Variants in APPL2 observed in about 807,000 individuals in gnomAD.
APPL2 encodes DCC-interacting protein 13-beta.
Under a neutral mutation model 92.7 loss-of-function variants are expected in APPL2, and 84 were observed. That is an observed-to-expected ratio of 0.91 (90% confidence interval 0.76 to 1.09). APPL2 has a LOEUF of 1.09. Among genes scored for constraint, APPL2 ranks in the 50% least tolerant of loss-of-function variants. APPL2 has a pLI of 0.00. For synonymous variants in APPL2, 291 were observed against 291.0 expected, an observed-to-expected ratio of 1.00 and a Z score of 0.00; for missense variants, 736 against 824.5, an observed-to-expected ratio of 0.89 and a Z score of 1.31.
At chr12:105,189,519 CACA>C (rs1887013727) in intron 16 of APPL2, among the ~76,000 whole-genome samples, 2 of 152,306 alleles carry the variant, frequency 1.3e-5, no homozygotes, top group South Asian at 2.1e-4. Flanking sequence ...ATTCAGATTT[CACA>C]ACATTTCTAT....
chr12:105,233,879 T>C (rs991131647), intron 1 of APPL2, among the ~76,000 whole-genome samples: 3 of 152,236 alleles, frequency 2.0e-5, no homozygotes, highest in African/African-American at 7.2e-5. Context: ...CCCTGGCACA[T>C]AAAATCCATG....
chr12:105,217,114 T>G lies in APPL2; in HGVS notation c.240A>C (p.Glu80Asp). The part of the protein sequence containing the change: ...KQNFALGKGD[E>D]EVISTLHYFS... ...AATAGTGGAGTGTTGAAATTACTTC[T>G]TCATCACCTTTGCCAAGAGCAAAGT... is the stretch of plus-strand genomic sequence containing the variant. Residue 80 changes from glutamate to aspartate, a missense_variant, in exon 4 of 21, where the codon GAA becomes GAC. Physicochemically the swap from Glu to Asp is conservative, Grantham distance 45. Transcript: ENST00000258530. 1 of 1,611,144 alleles carries G rather than the reference T, an allele frequency of 6.2e-7. No individual in the cohort carries two copies. The highest frequency in any genetic ancestry group is 8.5e-7 in the Non-Finnish European group (1 of 1,177,966).
At chr12:105,206,787 G>GA (rs1449302735) in intron 8 of APPL2, 3 of 304,282 alleles carry the variant, frequency 9.9e-6, no homozygotes, top group Admixed American at 4.7e-5. Flanking sequence ...ATTCGGATTA[G>GA]AAAAAAAGGG....
intron 4 of APPL2, among the ~76,000 whole-genome samples, chr12:105,214,803 C>T (rs935640098): frequency 6.6e-6 from 1 of 152,206 alleles, no homozygotes; most frequent in African/African-American, 2.4e-5. Context: ...CACCAAACCA[C>T]GATTATGAGC....
rs368682496 is a variant in APPL2, at chr12:105,188,177, CTT to C, written c.1634+94_1634+95del. The C allele has an allele frequency of 2.4e-5, 34 of 1,390,064 alleles. No individual in the cohort carries two copies. The East Asian group carries it at 6.1e-4, about 25-fold the overall frequency. The allele number at this position is 1,390,064 out of a possible 1,614,324, so 86.1% of individuals were successfully genotyped here. A position where few individuals can be genotyped will look rare whatever the true frequency, so the allele number is the denominator to read the frequency against. On this transcript the variant is annotated intron_variant, in intron 17 of 20. Transcript: ENST00000258530. ...GTGGGGGCAAAAGCAAGAGTAGTCT[CTT>C]CATTCCAGTACTAACATTTCAGATG...
chr12:105,224,755 G>A (rs925500893), intron 2 of APPL2, among the ~76,000 whole-genome samples: 1 of 152,084 alleles, frequency 6.6e-6, no homozygotes, highest in Non-Finnish European at 1.5e-5. Context: ...TGCCTCCTAG[G>A]TGCTTCTCCC....
Position 105,217,110 on chromosome 12 carries a change from C to T in APPL2, c.244G>A (p.Val82Ile), listed in dbSNP as rs1481811718. The change falls in exon 4 of 21, where the codon GTA becomes ATA. Residue 82 changes from valine (V) to isoleucine (I), a missense_variant. Coordinates refer to ENST00000258530, the MANE Select transcript of APPL2 (RefSeq NM_018171.5). ...GAAAAATAGTGGAGTGTTGAAATTA[C>T]TTCTTCATCACCTTTGCCAAGAGCA... ...NFALGKGDEE[V>I]ISTLHYFSKV... 3.0e-5 allele frequency: 49 copies of T among 1,611,130 alleles called. No homozygotes were observed. Among genetic ancestry groups the T allele is most frequent in the Non-Finnish European group, 3.9e-5 (46 of 1,178,108 alleles).
intron 2 of APPL2, among the ~76,000 whole-genome samples, chr12:105,221,343 C>G (rs1470304397): frequency 2.6e-5 from 4 of 152,206 alleles, no homozygotes; most frequent in African/African-American, 9.7e-5. Context: ...TTAATCCTCA[C>G]AGTGCACCCA....
At chr12:105,188,507 T>C in intron 16 of APPL2, 60 bp from the exon 17 acceptor site, 1 of 1,577,216 alleles carries the variant, frequency 6.3e-7, no homozygotes, top group Non-Finnish European at 8.7e-7. Flanking sequence ...TTGATCTGCA[T>C]ACCAGGGTCA....
chr12:105,209,244 G>C (rs1352308295), intron 5 of APPL2, among the ~76,000 whole-genome samples: 4 of 152,186 alleles, frequency 2.6e-5, no homozygotes, highest in Non-Finnish European at 2.9e-5. Context: ...TCTAGGCAGA[G>C]GGGAGATCAG....
intron 8 of APPL2, among the ~76,000 whole-genome samples, chr12:105,205,456 C>G (rs1888617570): frequency 6.6e-6 from 1 of 152,226 alleles, no homozygotes; most frequent in Non-Finnish European, 1.5e-5. Flanking sequence ...TCTTCTCCCT[C>G]TGTGGCCAGA....
At chr12:105,204,795 C>A (rs147273922) in intron 8 of APPL2, among the ~76,000 whole-genome samples, 1 of 152,270 alleles carries the variant, frequency 6.6e-6, no homozygotes, top group Non-Finnish European at 1.5e-5. Context: ...CTCCTTAGGG[C>A]AGGGGCTCAC....
At chr12:105,210,066 T>A (rs1187735548) in intron 5 of APPL2, among the ~76,000 whole-genome samples, 2 of 152,160 alleles carry the variant, frequency 1.3e-5, no homozygotes, top group East Asian at 3.9e-4. Context: ...GTTCAAGCGA[T>A]TCTCCTGCCT....
At chr12:105,216,939 T>G (rs2440691) in intron 4 of APPL2, 130 bp downstream of exon 4, 638,336 of 638,338 alleles carry the variant, frequency 1, 319,167 homozygotes, top group Middle Eastern at 1. Flanking sequence ...AGGAGCTTTG[T>G]AAGATCAAGA....
intron 8 of APPL2, among the ~76,000 whole-genome samples, chr12:105,205,218 G>A (rs1417849818): frequency 6.6e-6 from 1 of 152,180 alleles, no homozygotes; most frequent in Non-Finnish European, 1.5e-5. Flanking sequence ...ACGGTGCCAG[G>A]CAACAAACTT....
intron 11 of APPL2, 34 bp downstream of exon 11, chr12:105,197,731 C>G (rs369261421): frequency 3.1e-5 from 50 of 1,613,014 alleles, no homozygotes; most frequent in Non-Finnish European, 4.1e-5. Context: ...CCACTATACT[C>G]ATTCTCCTCC....
At chr12:105,206,996 C>G in intron 8 of APPL2, 65 bp downstream of exon 8, 1 of 1,557,396 alleles carries the variant, frequency 6.4e-7, no homozygotes, top group Non-Finnish European at 8.7e-7. Flanking sequence ...GTGTCTCCTG[C>G]GTGCCCTCTC....
intron 10 of APPL2, among the ~76,000 whole-genome samples, chr12:105,199,044 T>G (rs1225128472): frequency 6.6e-6 from 1 of 152,084 alleles, no homozygotes; most frequent in Non-Finnish European, 1.5e-5. Flanking sequence ...CCAGCTGGTG[T>G]GGGGGAAGTG....
In APPL2 at chr12:105,189,531, A is replaced by G. The variant is rs938271110; in HGVS notation, c.1459+241T>C. On this transcript the variant is annotated intron_variant, in intron 16 of 20. Coordinates refer to ENST00000258530, the MANE Select transcript of APPL2 (RefSeq NM_018171.5). ...CAGATTCAGATTTCACAACATTTCT[A>G]TGCTATGCTACAAAAACGCTATGGC... Among the ~76,000 whole-genome samples the G allele has an allele frequency of 9.2e-5, 14 of 152,300 alleles. 2 individuals are homozygous for G. The highest frequency in any genetic ancestry group is 1.3e-4 in the Admixed American group (2 of 15,298).
Sources: allele counts gnomAD v4.1 joint callset (sites outside exome capture counted in the v4.1 genomes callset), GRCh38; gene constraint gnomAD v4.1.1; transcripts MANE v1.5; gene names NCBI Gene and HGNC (gene_info 2026-07-23, HGNC 2026-07-21).